The following RPS6KA2 variants were observed in gnomAD, a reference collection of about 807,000 sequenced individuals.
RPS6KA2 encodes the protein ribosomal protein S6 kinase alpha-2.
In RPS6KA2, 42 loss-of-function variants were observed where a neutral mutation model predicts 91.8. The observed-to-expected ratio is 0.46, with a 90% CI of 0.36 to 0.59. The LOEUF (loss-of-function observed/expected upper bound fraction) is 0.59. Among genes scored for constraint, RPS6KA2 ranks in the 20% least tolerant of loss-of-function variants. The probability of loss-of-function intolerance (pLI) is 0.00; values close to 1 mark genes in which losing one functional copy is unlikely to be tolerated. For synonymous variants in RPS6KA2, 414 were observed against 393.6 expected, an observed-to-expected ratio of 1.05 and a Z score of -0.61; for missense variants, 798 against 978.5, an observed-to-expected ratio of 0.82 and a Z score of 2.46.
rs561276943 is a variant in RPS6KA2 at position 166,482,500 on chromosome 6, C to T, written c.907+6333G>A. ...GTGTCTGGGACAGGTATCTGTGCTCCGAGGAAAGAAATAGTTTTCTAAATA... is the reference window on the plus strand; with the variant it reads ...GTGTCTGGGACAGGTATCTGTGCTCTGAGGAAAGAAATAGTTTTCTAAATA... On this transcript the variant is annotated intron_variant, in intron 10 of 20. Coordinates refer to ENST00000265678, the MANE Select transcript of RPS6KA2 (RefSeq NM_021135.6). Among the ~76,000 whole-genome samples the T allele has an allele frequency of 6.6e-5, 10 of 152,198 alleles. No individual in the cohort carries two copies. In the Middle Eastern group the frequency reaches 0.01, roughly 155 times the overall value.
chr6:166,773,867 G>A (rs76089458), intron 2 of RPS6KA2, among the ~76,000 whole-genome samples: 359 of 152,272 alleles, frequency 2.4e-3, no homozygotes, highest in African/African-American at 8.4e-3. Context: ...GCAAATGATC[G>A]TCCTCCAGGG....
chr6:166,698,948 T>A (rs921833920), intron 2 of RPS6KA2, among the ~76,000 whole-genome samples: 3 of 152,044 alleles, frequency 2.0e-5, no homozygotes, highest in South Asian at 2.1e-4. Context: ...TCACTGGAGA[T>A]GAGGAGGCGA....
intron 1 of RPS6KA2, among the ~76,000 whole-genome samples, chr6:166,611,075 G>A (rs142066463): frequency 2.0e-4 from 30 of 152,084 alleles, no homozygotes; most frequent in East Asian, 7.7e-4. Flanking sequence ...TTTTTTCAAC[G>A]AATGAAATAA....
At chr6:166,647,957 T>C (rs1428342181) in intron 2 of RPS6KA2, among the ~76,000 whole-genome samples, 1 of 93,804 alleles carries the variant, frequency 1.1e-5, no homozygotes, top group African/African-American at 4.3e-5. Context: ...CACATGCACA[T>C]GCTTACATAC....
rs1247720982 is a variant in RPS6KA2, at chr6:166,419,400, C to T, written c.1820+482G>A. On this transcript the variant is annotated intron_variant, in intron 18 of 20. Transcript: ENST00000265678. This position sits in a 1 kb window ranked among gnomAD's most constrained non-coding sequence, Gnocchi z 5.6. ...TGGCGAGTGGGGCTCAGATGGAAGT[C>T]AGCTGTCTGGATGGCAGGCCCAGGC... Among the ~76,000 whole-genome samples, 2 of 152,156 alleles carry T rather than the reference C, an allele frequency of 1.3e-5. No homozygotes were observed. The highest frequency in any genetic ancestry group is 2.4e-5 in the African/African-American group (1 of 41,444).
intron 1 of RPS6KA2, among the ~76,000 whole-genome samples, chr6:166,574,180 G>T (rs1316328925): frequency 6.6e-6 from 1 of 152,168 alleles, no homozygotes; most frequent in Non-Finnish European, 1.5e-5. Flanking sequence ...AAACATTCTG[G>T]ATTCAGGAGG....
At chr6:166,829,977 C>T (rs1780140696) in intron 2 of RPS6KA2, among the ~76,000 whole-genome samples, 1 of 151,610 alleles carries the variant, frequency 6.6e-6, no homozygotes, top group South Asian at 2.1e-4. Context: ...AATACAAAAA[C>T]TATCTGGGCG....
In RPS6KA2 at chr6:166,603,809, T is replaced by G. The variant is rs1373937872; in HGVS notation, c.99+23112A>C. Among the ~76,000 whole-genome samples the G allele has an allele frequency of 6.6e-6, 1 of 152,118 alleles. No individual in the cohort carries two copies. Among genetic ancestry groups the G allele is most frequent in the Non-Finnish European group, 1.5e-5 (1 of 68,018 alleles). ...TCAAATAAATGCCCCCGTACTGTTG[T>G]TTGCGATAACAAGTCAGGGGTGTTA... On this transcript the variant is annotated intron_variant, in intron 1 of 20. Coordinates refer to ENST00000265678, the MANE Select transcript of RPS6KA2 (RefSeq NM_021135.6). The surrounding 1 kb of genome is among the most constrained non-coding windows in gnomAD (Gnocchi z 4.3).
intron 1 of RPS6KA2, among the ~76,000 whole-genome samples, chr6:166,614,387 C>A (rs531951827): frequency 1.3e-5 from 2 of 152,316 alleles, no homozygotes; most frequent in East Asian, 3.9e-4. Context: ...TGGGACACAG[C>A]TGTGCTGCCC....
At chr6:166,627,351 T>G, upstream of RPS6KA2, 2 of 414,268 alleles carry the variant, frequency 4.8e-6, no homozygotes, top group Non-Finnish European at 6.4e-6. Flanking sequence ...CTCCTCCTCC[T>G]CCGCCCCGCC....
chr6:166,802,300 C>G (rs1466253845), intron 2 of RPS6KA2, among the ~76,000 whole-genome samples: 1 of 151,966 alleles, frequency 6.6e-6, no homozygotes, highest in African/African-American at 2.4e-5. Context: ...CAATCCCTCC[C>G]TAGACATTAG....
intron 2 of RPS6KA2, among the ~76,000 whole-genome samples, chr6:166,802,774 G>A (rs1035867230): frequency 2.6e-5 from 4 of 152,108 alleles, no homozygotes; most frequent in Admixed American, 6.6e-5. Context: ...GTGGTTGAAC[G>A]CTTGTCACTC....
At chr6:166,519,767 C>T (rs1304852589) in intron 3 of RPS6KA2, among the ~76,000 whole-genome samples, 1 of 152,178 alleles carries the variant, frequency 6.6e-6, no homozygotes. Flanking sequence ...CAAGGTGCCT[C>T]TTTTCAGGCA....
Position 166,413,831 on chromosome 6 carries a change from G to GGGGACAGGTACTCTCT in RPS6KA2, c.2023_2038dup (p.Pro680GlnfsTer90). The GGGGACAGGTACTCTCT allele has an allele frequency of 6.2e-7, 1 of 1,614,226 alleles. No individual in the cohort carries two copies. Among genetic ancestry groups the GGGGACAGGTACTCTCT allele is most frequent in the Non-Finnish European group, 8.5e-7 (1 of 1,180,032 alleles). On this transcript the variant is annotated frameshift_variant, in exon 20 of 21. Transcript: ENST00000265678. LOFTEE classifies it low-confidence loss of function (END_TRUNC). ...CACGTCCTGTCGGCTGAGCTGGTTT[G>GGGGACAGGTACTCTCT]GGGACAGGTACTCTCTGTTGACCAC... is the stretch of plus-strand genomic sequence containing the variant.
upstream of RPS6KA2, among the ~76,000 whole-genome samples, chr6:166,631,648 C>G (rs556972015): frequency 2.0e-5 from 3 of 152,216 alleles, no homozygotes; most frequent in South Asian, 6.2e-4. Flanking sequence ...TTTTTCGTCC[C>G]TCTGCCTGGG....
At chr6:166,491,259 C>T (rs1258687568) in intron 8 of RPS6KA2, among the ~76,000 whole-genome samples, 1 of 152,188 alleles carries the variant, frequency 6.6e-6, no homozygotes, top group Non-Finnish European at 1.5e-5. Context: ...GCACAGCAAC[C>T]TCTCAGATAC....
intron 2 of RPS6KA2, among the ~76,000 whole-genome samples, chr6:166,841,944 G>A (rs10806864): frequency 0.55 from 82,824 of 151,684 alleles, 24,312 homozygotes; most frequent in Middle Eastern, 0.74. Context: ...GGGTCACCGT[G>A]ATTCTGGTGC....
At chr6:166,562,110 G>A (rs532727510) in intron 1 of RPS6KA2, among the ~76,000 whole-genome samples, 2 of 152,276 alleles carry the variant, frequency 1.3e-5, no homozygotes, top group East Asian at 1.9e-4. Flanking sequence ...AGTCCTTAGA[G>A]AAGGAATTAG....
intron 2 of RPS6KA2, among the ~76,000 whole-genome samples, chr6:166,815,389 G>A (rs1322243742): frequency 6.6e-6 from 1 of 152,186 alleles, no homozygotes. Flanking sequence ...GGTGAGGAAA[G>A]AATGAATATT....
Sources: gnomAD v4.1 joint callset for allele counts (sites outside exome capture counted in the v4.1 genomes callset) on GRCh38, gnomAD v4.1.1 for gene constraint, Gnocchi (gnomAD v3.1) non-coding constraint, MANE v1.5 for transcripts, NCBI Gene and HGNC (gene_info 2026-07-23, HGNC 2026-07-21) for gene names.